CPEB3: variants seen among roughly 807,000 people sequenced by gnomAD.
CPEB3 encodes the protein cytoplasmic polyadenylation element binding protein 3.
In CPEB3, 20 loss-of-function variants were observed where a neutral mutation model predicts 67.2. The observed-to-expected ratio is 0.30, with a 90% CI of 0.21 to 0.43. CPEB3 has a LOEUF of 0.43. CPEB3 is among the 20% of genes least tolerant of loss of function. CPEB3 has a pLI of 1.00. For missense variants in CPEB3, 746 were observed against 968.6 expected, an observed-to-expected ratio of 0.77 and a Z score of 3.05; for synonymous variants, 376 against 393.1, an observed-to-expected ratio of 0.96 and a Z score of 0.51.
At chr10:92,202,706 C>T (rs1849574278) in intron 2 of CPEB3, among the ~76,000 whole-genome samples, 1 of 151,396 alleles carries the variant, frequency 6.6e-6, no homozygotes, top group African/African-American at 2.4e-5. Flanking sequence ...TGGTCATTGC[C>T]TAAGGCTGGG....
rs114532237 is a variant in CPEB3 at position 92,103,314 on chromosome 10, T to A, written c.1572+7762A>T. 3.5e-3 allele frequency among the ~76,000 whole-genome samples: 529 copies of A among 152,352 alleles called. 4 individuals carry two copies. The highest frequency in any genetic ancestry group is 0.017 in the Middle Eastern group (5 of 294). On this transcript the variant is annotated intron_variant, in intron 7 of 9. Coordinates refer to ENST00000265997, the MANE Select transcript of CPEB3 (RefSeq NM_014912.5). The stretch of plus-strand genomic sequence containing the variant: ...AGCATAAACATAATAGCTGATTCCC[T>A]TTTGAAAGAAAAAGCACTTTTGAGC...
chr10:92,185,432 C>T (rs970497759), intron 3 of CPEB3, among the ~76,000 whole-genome samples: 1 of 152,086 alleles, frequency 6.6e-6, no homozygotes, highest in South Asian at 2.1e-4. Flanking sequence ...GTTAAAATCA[C>T]AGTCCCATAA....
At chr10:92,187,991 T>C (rs1848772269) in intron 3 of CPEB3, among the ~76,000 whole-genome samples, 1 of 151,130 alleles carries the variant, frequency 6.6e-6, no homozygotes, top group Admixed American at 6.6e-5. Context: ...AGCTCAGGAG[T>C]TCAAGACCAG....
chr10:92,142,978 T>C, intron 6 of CPEB3, 51 bp downstream of exon 6: 7 of 1,331,792 alleles, frequency 5.3e-6, no homozygotes, highest in Non-Finnish European at 7.5e-6. Context: ...TATTGAACTG[T>C]CATGCTATCT....
intron 7 of CPEB3, among the ~76,000 whole-genome samples, chr10:92,099,025 G>A (rs758818163): frequency 3.5e-4 from 54 of 152,146 alleles, no homozygotes; most frequent in Middle Eastern, 3.4e-3. Flanking sequence ...GCCCGCCTCA[G>A]CCTCCCAAAG....
intron 7 of CPEB3, among the ~76,000 whole-genome samples, chr10:92,102,419 A>G (rs1205180815): frequency 6.6e-6 from 1 of 152,202 alleles, no homozygotes; most frequent in East Asian, 1.9e-4. Flanking sequence ...AAATTCTTTC[A>G]CATCCTCCTT....
intron 4 of CPEB3, among the ~76,000 whole-genome samples, chr10:92,165,969 T>C (rs1847719425): frequency 6.6e-6 from 1 of 152,246 alleles, no homozygotes; most frequent in Admixed American, 6.5e-5. Flanking sequence ...TGTTGATATT[T>C]TGACCTCGTC....
chr10:92,207,470 T>C lies in CPEB3; in HGVS notation c.1006-14834A>G, dbSNP rs537540870. Among the ~76,000 whole-genome samples the C allele has an allele frequency of 1.6e-4, 24 of 152,338 alleles. No individual in the cohort carries two copies. In the South Asian group the frequency reaches 2.3e-3, roughly 14 times the overall value. ...AATTTTGACTCAGACACTTTGTATG[T>C]GATATCTTTGTGCCTCAGTTTTCTC... On this transcript the variant is annotated intron_variant, in intron 2 of 9. Coordinates refer to ENST00000265997, the MANE Select transcript of CPEB3 (RefSeq NM_014912.5).
At chr10:92,079,929 G>T (rs1016784412) in intron 9 of CPEB3, among the ~76,000 whole-genome samples, 3 of 151,916 alleles carry the variant, frequency 2.0e-5, no homozygotes, top group African/African-American at 7.3e-5. Context: ...GGCCAGGCGC[G>T]GTGGCTCATG....
intron 2 of CPEB3, among the ~76,000 whole-genome samples, chr10:92,233,531 TAA>T (rs57864053): frequency 5.9e-4 from 67 of 113,290 alleles, no homozygotes; most frequent in Admixed American, 8.5e-4. Context: ...ATTCTGTCTT[TAA>T]AAAAAAAAAA....
intron 6 of CPEB3, among the ~76,000 whole-genome samples, chr10:92,115,382 G>C (rs1247743354): frequency 8.9e-6 from 1 of 112,684 alleles, no homozygotes; most frequent in Non-Finnish European, 1.8e-5. Flanking sequence ...TCAAACACCT[G>C]ACCTTGTGAT....
chr10:92,213,791 A>G (rs1382495047), intron 2 of CPEB3, among the ~76,000 whole-genome samples: 1 of 152,154 alleles, frequency 6.6e-6, no homozygotes, highest in Non-Finnish European at 1.5e-5. Flanking sequence ...ACTAGGGTAA[A>G]TCTCCTAGTC....
intron 9 of CPEB3, among the ~76,000 whole-genome samples, chr10:92,054,636 T>C (rs1280514624): frequency 1.3e-5 from 2 of 152,044 alleles, no homozygotes; most frequent in Non-Finnish European, 2.9e-5. Context: ...GAGATGGGGT[T>C]TCACCGTGTT....
intron 1 of CPEB3, among the ~76,000 whole-genome samples, chr10:92,255,298 A>C (rs895864058): frequency 6.6e-6 from 1 of 152,096 alleles, no homozygotes; most frequent in African/African-American, 2.4e-5. Flanking sequence ...GAAACTCTAG[A>C]TCTTAGTTAA....
intron 1 of CPEB3, among the ~76,000 whole-genome samples, chr10:92,272,808 A>AT (rs1315781499): frequency 2.0e-5 from 3 of 152,214 alleles, no homozygotes; most frequent in African/African-American, 7.2e-5. Context: ...CAGGTCACAG[A>AT]AAGATTTTAA....
At chr10:92,069,712 C>T (rs1842683304) in intron 9 of CPEB3, among the ~76,000 whole-genome samples, 1 of 152,050 alleles carries the variant, frequency 6.6e-6, no homozygotes, top group Non-Finnish European at 1.5e-5. Context: ...CTACAATGTT[C>T]TTTAAATAAA....
intron 8 of CPEB3, among the ~76,000 whole-genome samples, chr10:92,088,587 A>T (rs1229916418): frequency 1.3e-5 from 2 of 152,094 alleles, no homozygotes; most frequent in African/African-American, 4.8e-5. Context: ...AATAACTATC[A>T]GTGATATTGG....
At chr10:92,173,896 T>C (rs958246454) in intron 4 of CPEB3, among the ~76,000 whole-genome samples, 6 of 152,232 alleles carry the variant, frequency 3.9e-5, no homozygotes, top group African/African-American at 1.2e-4. Flanking sequence ...CACAACCATA[T>C]ATTAGTTTTA....
chr10:92,263,070 G>A (rs1002055036), intron 1 of CPEB3, among the ~76,000 whole-genome samples: 10 of 152,028 alleles, frequency 6.6e-5, no homozygotes, highest in East Asian at 3.9e-4. Context: ...GCACTCGGCC[G>A]AAAGCATTTT....
Sources: allele counts gnomAD v4.1 joint callset (sites outside exome capture counted in the v4.1 genomes callset), GRCh38; gene constraint gnomAD v4.1.1; transcripts MANE v1.5; gene names NCBI Gene and HGNC (gene_info 2026-07-23, HGNC 2026-07-21).